Variants in CPNE5 observed in about 807,000 individuals in gnomAD.
CPNE5 encodes the protein copine-5.
A neutral mutation model predicts 81.1 loss-of-function variants in CPNE5; 42 were observed. The ratio of observed to expected loss-of-function variants is 0.52; its 90% CI spans 0.40 to 0.67. CPNE5 has a LOEUF of 0.67. CPNE5 is among the 30% of genes least tolerant of loss of function. The probability of loss-of-function intolerance (pLI) is 0.00; values close to 1 mark genes in which losing one functional copy is unlikely to be tolerated. For synonymous variants in CPNE5, 313 were observed against 321.5 expected, an observed-to-expected ratio of 0.97 and a Z score of 0.28; for missense variants, 612 against 815.5, an observed-to-expected ratio of 0.75 and a Z score of 3.04.
intron 12 of CPNE5, 133 bp downstream of exon 12, chr6:36,762,784 G>A (rs900873903): frequency 2.1e-5 from 15 of 717,094 alleles, no homozygotes; most frequent in South Asian, 8.6e-5. Context: ...TCTCCTTAAC[G>A]GTAGAATGGG....
rs141090978 is a variant in CPNE5, at chr6:36,761,669, T to C, written c.855+1248A>G. On this transcript the variant is annotated intron_variant, in intron 12 of 20. Transcript: ENST00000244751. The stretch of plus-strand genomic sequence containing the variant: ...AGCAGATGGTGACAGAAGACAGTGC[T>C]GACCTCTGGGTCAGGCATTGTTCCA... Among the ~76,000 whole-genome samples, 1,042 of 152,342 alleles carry C rather than the reference T, an allele frequency of 6.8e-3. 15 individuals are homozygous for C. The highest frequency in any genetic ancestry group is 0.024 in the African/African-American group (1,011 of 41,576).
chr6:36,816,854 C>T (rs1458254459), intron 3 of CPNE5, among the ~76,000 whole-genome samples: 1 of 152,330 alleles, frequency 6.6e-6, no homozygotes, highest in East Asian at 1.9e-4. Flanking sequence ...TCTAGGATCA[C>T]TGCAACCTCT....
At chr6:36,797,226 T>G (rs2150521686) in intron 6 of CPNE5, among the ~76,000 whole-genome samples, 1 of 152,332 alleles carries the variant, frequency 6.6e-6, no homozygotes, top group East Asian at 1.9e-4. Flanking sequence ...TTATTGATCA[T>G]GGTGAGGGGA....
At chr6:36,839,591 G>C (rs1441582688), upstream of CPNE5, 5 of 441,718 alleles carry the variant, frequency 1.1e-5, no homozygotes, top group South Asian at 1.2e-4. This position sits in a 1 kb window ranked among gnomAD's most constrained non-coding sequence, Gnocchi z 7.3. Context: ...CTCGGGTGAC[G>C]CCGCGAGGAG....
At chr6:36,790,855 C>T (rs144595795) in intron 8 of CPNE5, among the ~76,000 whole-genome samples, 137 of 152,080 alleles carry the variant, frequency 9.0e-4, no homozygotes, top group African/African-American at 2.5e-3. Context: ...AAAAAAAATG[C>T]GTTATTTATG....
chr6:36,834,242 G>GGGCAAC (rs1561833289), intron 1 of CPNE5, among the ~76,000 whole-genome samples: 14 of 62,012 alleles, frequency 2.3e-4, no homozygotes, highest in South Asian at 6.7e-4. Flanking sequence ...TTGGGCAACA[G>GGGCAAC]AGACTGTATC....
intron 1 of CPNE5, among the ~76,000 whole-genome samples, chr6:36,827,084 G>A (rs1426230946): frequency 6.6e-6 from 1 of 152,112 alleles, no homozygotes; most frequent in Non-Finnish European, 1.5e-5. Context: ...ACCCTCACAG[G>A]TCCAAGGAAG....
chr6:36,771,704 G>A (rs575850273), intron 10 of CPNE5, among the ~76,000 whole-genome samples: 1 of 152,152 alleles, frequency 6.6e-6, no homozygotes, highest in African/African-American at 2.4e-5. Context: ...GCTCCAAGAG[G>A]TGTCTTGGAA....
At chr6:36,768,252 T>TTTTTTTTTTTTTTTTTTTTTTTTTTTC (rs1491318225) in intron 10 of CPNE5, among the ~76,000 whole-genome samples, 1 of 128,582 alleles carries the variant, frequency 7.8e-6, no homozygotes, top group African/African-American at 3.0e-5. Flanking sequence ...TTTTTTTTTT[T>TTTTTTTTTTTTTTTTTTTTTTTTTTTC]GAGACAGAGT....
rs1003721907 is a variant in CPNE5, at chr6:36,839,429, C to T, written c.-52G>A. The T allele has an allele frequency of 3.9e-5, 57 of 1,452,138 alleles. No homozygotes were observed. Among genetic ancestry groups the T allele is most frequent in the Admixed American group, 8.3e-5 (4 of 48,114 alleles). 90.0% of individuals were successfully genotyped at this position (1,452,138 alleles called of 1,614,324 possible). On this transcript the variant is annotated 5_prime_UTR_variant, in exon 1 of 21. Transcript: ENST00000244751. The surrounding 1 kb of genome is among the most constrained non-coding windows in gnomAD (Gnocchi z 7.3). ...TAGTCAATCCCTGCGCGATTCACGC[C>T]TCCTCCGGAGCGACTGGAGCCCTGG...
Position 36,815,285 on chromosome 6 carries a change from G to A in CPNE5, c.183+6829C>T, listed in dbSNP as rs551618933. Among the ~76,000 whole-genome samples the A allele has an allele frequency of 5.9e-5, 9 of 152,280 alleles. No individual in the cohort carries two copies. The South Asian group carries it at 8.3e-4, about 14-fold the overall frequency. On this transcript the variant is annotated intron_variant, in intron 3 of 20. Transcript: ENST00000244751. ...TTGAAAGTGAGCTCCTCTGGTTGTA[G>A]GCAGTGTCTGGTCCCCCTTTGCACC... is the stretch of plus-strand genomic sequence containing the variant.
At chr6:36,786,124 T>G (rs1768524049) in intron 8 of CPNE5, among the ~76,000 whole-genome samples, 1 of 152,172 alleles carries the variant, frequency 6.6e-6, no homozygotes. Context: ...ATATTGTCTT[T>G]TTTAGTCAGA....
chr6:36,765,523 G>C (rs1466669096), intron 10 of CPNE5, 147 bp from the exon 11 acceptor site: 6 of 856,856 alleles, frequency 7.0e-6, no homozygotes, highest in Admixed American at 2.7e-5. Flanking sequence ...AGCGGCTTGA[G>C]AGACAAGGAT....
intron 3 of CPNE5, among the ~76,000 whole-genome samples, chr6:36,805,000 G>A (rs565350486): frequency 1.1e-3 from 167 of 149,048 alleles, no homozygotes; most frequent in Non-Finnish European, 2.1e-3. Flanking sequence ...TTACTTGGAC[G>A]AATAACAAAG....
chr6:36,823,221 A>G lies in CPNE5; in HGVS notation c.96-123T>C, dbSNP rs979321117. The G allele has an allele frequency of 1.4e-5, 10 of 706,040 alleles. No individual in the cohort carries two copies. The African/African-American group carries it at 1.7e-4, about 12-fold the overall frequency. The allele number at this position is 706,040 out of a possible 1,614,324, so 43.7% of individuals were successfully genotyped here. ...GCCTGGCCTCAGGCAAAACAGTTCC[A>G]CAATCGTTTATTAGGCTTCATTAAA... On this transcript the variant is annotated intron_variant, in intron 1 of 20. Coordinates refer to ENST00000244751, the MANE Select transcript of CPNE5 (RefSeq NM_020939.2).
chr6:36,744,401 T>C (rs1763896292), intron 18 of CPNE5, 76 bp from the exon 19 acceptor site: 3 of 1,188,848 alleles, frequency 2.5e-6, no homozygotes, highest in African/African-American at 1.5e-5. Context: ...AAATCAGGGG[T>C]AGGACAGGAA....
intron 20 of CPNE5, 79 bp downstream of exon 20, chr6:36,743,609 GC>G: frequency 7.3e-7 from 1 of 1,366,520 alleles, no homozygotes. Flanking sequence ...CACCAGGGAA[GC>G]CCCCAAAGGG....
At chr6:36,758,314 T>C (rs566176198) in intron 12 of CPNE5, among the ~76,000 whole-genome samples, 2 of 140,266 alleles carry the variant, frequency 1.4e-5, no homozygotes, top group Admixed American at 7.3e-5. Context: ...GGTCTTGCTC[T>C]ATGGCCCAGG....
intron 8 of CPNE5, among the ~76,000 whole-genome samples, chr6:36,783,548 C>T (rs1286285415): frequency 2.6e-5 from 4 of 152,218 alleles, no homozygotes; most frequent in South Asian, 4.1e-4. Context: ...CTGTCACCCA[C>T]GCTGGAGTGC....
Sources: gnomAD v4.1 joint callset for allele counts (sites outside exome capture counted in the v4.1 genomes callset) on GRCh38, gnomAD v4.1.1 for gene constraint, Gnocchi (gnomAD v3.1) non-coding constraint, MANE v1.5 for transcripts, NCBI Gene and HGNC (gene_info 2026-07-23, HGNC 2026-07-21) for gene names.